Variants in ANK1 observed in about 807,000 individuals in gnomAD.
The protein encoded by ANK1 is ankyrin-1.
ANK1 carries 51 observed loss-of-function variants against 210.4 expected under a neutral mutation model. The ratio of observed to expected loss-of-function variants is 0.24; its 90% CI spans 0.19 to 0.31. The LOEUF (loss-of-function observed/expected upper bound fraction) is 0.31, where lower values mean the gene tolerates loss of function less well. Ranked by LOEUF, ANK1 falls within the 10% of genes least tolerant of loss-of-function variation. The pLI is 1.00. For missense variants in ANK1, 2,051 were observed against 2,504.4 expected (o/e 0.82, Z 3.86); for synonymous variants, 967 against 1,025.9 (o/e 0.94, Z 1.10).
rs1328335775 is a variant in ANK1, at chr8:41,695,244, C to T, written c.3048G>A (p.Val1016=). 6 of 1,614,140 alleles carry T rather than the reference C, an allele frequency of 3.7e-6. No individual in the cohort carries two copies. In the Admixed American group the frequency reaches 6.7e-5, roughly 18 times the overall value. ...LVVLRSENGS[V]WKEHRSRYGE... is the part of the protein sequence containing the mutation. ...CATAGCGGCTCCTGTGCTCCTTCCACACGGAGCCGTTTTCGCTCCTCAGAA... is the reference window on the plus strand; with the variant it reads ...CATAGCGGCTCCTGTGCTCCTTCCATACGGAGCCGTTTTCGCTCCTCAGAA... Residue 1016 remains valine (V), a synonymous_variant, in exon 27 of 43, where the codon GTG becomes GTA. Transcript: ENST00000289734.
chr8:41,672,092 G>A (rs1180650894), intron 38 of ANK1, among the ~76,000 whole-genome samples: 2 of 152,174 alleles, frequency 1.3e-5, no homozygotes, highest in African/African-American at 4.8e-5. Context: ...GCGCCCATAT[G>A]TCCCTATGTG....
chr8:41,758,412 C>T (rs907161519), intron 1 of ANK1, among the ~76,000 whole-genome samples: 3 of 152,186 alleles, frequency 2.0e-5, no homozygotes, highest in South Asian at 2.1e-4. Flanking sequence ...GTGGCACAAG[C>T]GCAGTTCACT....
intron 2 of ANK1, among the ~76,000 whole-genome samples, chr8:41,757,605 C>A (rs1434585558): frequency 6.6e-6 from 1 of 152,254 alleles, no homozygotes; most frequent in Non-Finnish European, 1.5e-5. Context: ...CAGCACCTAA[C>A]ACAAGCGGGG....
At chr8:41,830,331 C>T (rs754485121) in intron 1 of ANK1, among the ~76,000 whole-genome samples, 1 of 149,696 alleles carries the variant, frequency 6.7e-6, no homozygotes, top group Non-Finnish European at 1.5e-5. Context: ...GATAAGCACC[C>T]AGTTTCCCTC....
intron 29 of ANK1, among the ~76,000 whole-genome samples, chr8:41,693,539 G>A (rs1819910023): frequency 6.9e-6 from 1 of 144,026 alleles, no homozygotes; most frequent in Non-Finnish European, 1.5e-5. Context: ...CCAGGTTCAA[G>A]CAATTCTCCT....
At chr8:41,823,852 C>T (rs1481419361) in intron 1 of ANK1, among the ~76,000 whole-genome samples, 1 of 152,312 alleles carries the variant, frequency 6.6e-6, no homozygotes, top group East Asian at 1.9e-4. Flanking sequence ...CCTTCCTAAC[C>T]CAATATTATT....
intron 33 of ANK1, among the ~76,000 whole-genome samples, chr8:41,688,928 G>C (rs913795937): frequency 3.3e-5 from 5 of 152,284 alleles, no homozygotes; most frequent in East Asian, 1.9e-4. Context: ...GGCATAGAGA[G>C]ACAAAGTTCC....
intron 2 of ANK1, among the ~76,000 whole-genome samples, chr8:41,751,541 G>A (rs1199054832): frequency 6.6e-6 from 1 of 152,158 alleles, no homozygotes; most frequent in East Asian, 1.9e-4. Flanking sequence ...CCATTGCTAT[G>A]TGGCTGCTCT....
intron 1 of ANK1, among the ~76,000 whole-genome samples, chr8:41,794,795 C>T (rs1427317692): frequency 1.3e-5 from 2 of 152,212 alleles, no homozygotes; most frequent in Non-Finnish European, 2.9e-5. Flanking sequence ...ACCTCCACCT[C>T]CCAGGTTCAA....
Position 41,668,453 on chromosome 8 carries a change from A to T in ANK1, c.5208T>A (p.Ser1736Arg), listed in dbSNP as rs750580242. 85 of 1,614,058 alleles carry T rather than the reference A, an allele frequency of 5.3e-5. No individual in the cohort carries two copies. Among genetic ancestry groups the T allele is most frequent in the Non-Finnish European group, 6.8e-5 (80 of 1,180,042 alleles). The change falls in exon 39 of 43, where the codon AGT (serine) becomes AGA (arginine). Residue 1736 changes from serine to arginine, a missense_variant. By Grantham distance (110) the Ser-to-Arg change is moderately radical. Transcript: ENST00000289734. ...CGGGCTCTAGCCCTTCAGTCATGGT[A>T]CTTGTTCCCTGGAATGAGTGTGGAC... ...TQGPHSFQGT[S>R]TMTEGLEPGG...
At chr8:41,709,344 A>G (rs1400821760) in intron 16 of ANK1, among the ~76,000 whole-genome samples, 1 of 152,268 alleles carries the variant, frequency 6.6e-6, no homozygotes, top group Non-Finnish European at 1.5e-5. Context: ...AAAAAGAAAC[A>G]TCAGCCCCTT....
intron 1 of ANK1, chr8:41,830,024 G>GATAA (rs773565445): frequency 4.0e-5 from 6 of 149,998 alleles, no homozygotes; most frequent in Non-Finnish European, 8.8e-5. Context: ...ATATTCCTCC[G>GATAA]ATAACATCAA....
chr8:41,891,999 G>A lies in ANK1; in HGVS notation c.126+4356C>T, dbSNP rs1587654576. ...GCAACAGGACCCAGATTAAAGATGT[G>A]TGATGAGCACTGTTCTCTTTCAATT... On this transcript the variant is annotated intron_variant, in intron 1 of 42. Coordinates refer to the ANK1 transcript ENST00000265709. Among the ~76,000 whole-genome samples the A allele has an allele frequency of 2.0e-5, 3 of 152,224 alleles. 1 individual carries two copies. The highest frequency in any genetic ancestry group is 1.9e-4 in the East Asian group (1 of 5,200).
rs369089581 is a variant in ANK1 at position 41,701,502 on chromosome 8, C to T, written c.2461+48G>A. ...GCAGGAAGCCCCCTTGGAGGGTGCC[C>T]GGAGCCCCTCTGTCCCCACCAGCCT... is the stretch of plus-strand genomic sequence containing the variant. On this transcript the variant is annotated intron_variant, in intron 22 of 42. Coordinates refer to ENST00000289734, the MANE Select transcript of ANK1 (RefSeq NM_000037.4). 1.7e-5 allele frequency: 27 copies of T among 1,589,542 alleles called. 1 individual carries two copies. The African/African-American group carries it at 3.4e-4, about 20-fold the overall frequency.
At chr8:41,660,164 C>A (rs1807453272) in intron 42 of ANK1, among the ~76,000 whole-genome samples, 1 of 152,138 alleles carries the variant, frequency 6.6e-6, no homozygotes, top group Admixed American at 6.5e-5. Flanking sequence ...ACGGTGACCT[C>A]CTTAAGCTGC....
intron 1 of ANK1, among the ~76,000 whole-genome samples, chr8:41,845,318 G>A (rs1809809171): frequency 6.6e-6 from 1 of 151,848 alleles, no homozygotes; most frequent in African/African-American, 2.4e-5. Flanking sequence ...CCACCTGGGA[G>A]GCAGAGGTTG....
Position 41,733,952 on chromosome 8 carries a change from C to A in ANK1, c.228+19G>T, listed in dbSNP as rs766494215. ...TTGAATTTTCAATGCAAAGCTCCCC[C>A]ACTCCCTGTGAGACATACCTTGGTT... On this transcript the variant is annotated intron_variant, in intron 3 of 42. Transcript: ENST00000289734. The A allele has an allele frequency of 6.2e-7, 1 of 1,608,528 alleles. No homozygotes were observed.
rs536251194 is a variant in ANK1 at position 41,684,930 on chromosome 8, CA to C, written c.4391-241del. Among the ~76,000 whole-genome samples the C allele has an allele frequency of 3.7e-3, 555 of 148,474 alleles. 2 individuals carry two copies. The highest frequency in any genetic ancestry group is 0.013 in the African/African-American group (521 of 40,600). On this transcript the variant is annotated intron_variant, in intron 36 of 42. Transcript: ENST00000289734. ...TATTTTATTTATTGGTCTCTGTTAC[CA>C]AAAAAAAAATAAATTATTTTATTTA...
intron 17 of ANK1, 62 bp from the exon 18 acceptor site, chr8:41,706,303 G>C: frequency 6.8e-7 from 1 of 1,465,472 alleles, no homozygotes; most frequent in Non-Finnish European, 9.4e-7. Flanking sequence ...CACAAGTAAA[G>C]AGCTCTGAGG....
Sources: gnomAD v4.1 joint callset for allele counts (sites outside exome capture counted in the v4.1 genomes callset) on GRCh38, gnomAD v4.1.1 for gene constraint, MANE v1.5 for transcripts, NCBI Gene and HGNC (gene_info 2026-07-23, HGNC 2026-07-21) for gene names.